Variants in EZH2 observed in about 807,000 individuals in gnomAD.
EZH2 encodes the protein enhancer of zeste 2 polycomb repressive complex 2 subunit.
In EZH2, 18 loss-of-function variants were observed where a neutral mutation model predicts 98.4. That is an observed-to-expected ratio of 0.18 (90% confidence interval 0.13 to 0.27). The LOEUF (loss-of-function observed/expected upper bound fraction) is 0.27. EZH2 is among the 10% of genes least tolerant of loss of function. The pLI, the probability that EZH2 is intolerant of heterozygous loss-of-function variation, is 1.00. For missense variants in EZH2, 470 were observed against 935.1 expected, an observed-to-expected ratio of 0.50 and a Z score of 6.49; for synonymous variants, 338 against 312.3, an observed-to-expected ratio of 1.08 and a Z score of -0.87.
chr7:148,822,160 C>T (rs1018017005), intron 8 of EZH2, among the ~76,000 whole-genome samples: 2 of 152,028 alleles, frequency 1.3e-5, no homozygotes, highest in African/African-American at 2.4e-5. Context: ...AAGTGAGAAA[C>T]GCTTTATAAT....
rs111384552 is a variant in EZH2 at position 148,828,500 on chromosome 7, G to A, written c.625+240C>T. 0.018 allele frequency among the ~76,000 whole-genome samples: 2,702 copies of A among 151,994 alleles called. 84 individuals are homozygous for A. Among genetic ancestry groups the A allele is most frequent in the African/African-American group, 0.062 (2,570 of 41,450 alleles). On this transcript the variant is annotated intron_variant, in intron 6 of 19. Coordinates refer to ENST00000320356, the MANE Select transcript of EZH2 (RefSeq NM_004456.5). ...AGATGGGGTCTCACTATGTTGCCCA[G>A]GTTGGTCTTGAACTCCTGGGCTCAA... is the stretch of plus-strand genomic sequence containing the variant.
intron 8 of EZH2, among the ~76,000 whole-genome samples, chr7:148,823,538 AT>A (rs1417765144): frequency 3.3e-5 from 5 of 152,136 alleles, no homozygotes; most frequent in Non-Finnish European, 7.4e-5. Flanking sequence ...TGTAAAAAAA[AT>A]ACGAGAACCA....
intron 1 of EZH2, among the ~76,000 whole-genome samples, chr7:148,853,263 T>A (rs1816180379): frequency 6.6e-6 from 1 of 152,026 alleles, no homozygotes; most frequent in South Asian, 2.1e-4. Flanking sequence ...AATACAAAAA[T>A]TAGCTGGGTG....
Position 148,836,785 on chromosome 7 carries a change from T to TA in EZH2, c.247-4036dup, listed in dbSNP as rs1239101301. 1.9e-5 allele frequency: 9 copies of TA among 481,814 alleles called. No individual in the cohort carries two copies. In the Admixed American group the frequency reaches 1.9e-4, roughly 10 times the overall value. The allele number at this position is 481,814 out of a possible 1,614,324, so 29.8% of individuals were successfully genotyped here. ...TTTTCAGAGAAACACAGCTTACTGG[T>TA]AAGTAACCAGGTTCCTCTGAGGATG... On this transcript the variant is annotated intron_variant, in intron 3 of 19. Coordinates refer to ENST00000320356, the MANE Select transcript of EZH2 (RefSeq NM_004456.5).
At chr7:148,847,088 C>A in intron 2 of EZH2, 94 bp downstream of exon 2, 1 of 1,430,426 alleles carries the variant, frequency 7.0e-7, no homozygotes, top group Non-Finnish European at 9.3e-7. Context: ...ACAAACTTGG[C>A]TAGAATTATT....
At chr7:148,865,113 C>T (rs548681481) in intron 1 of EZH2, among the ~76,000 whole-genome samples, 47 of 138,862 alleles carry the variant, frequency 3.4e-4, no homozygotes, top group African/African-American at 1.3e-3. Flanking sequence ...GGTGACAGAG[C>T]GAGACTTGTC....
chr7:148,854,847 T>C (rs1318944409), intron 1 of EZH2, among the ~76,000 whole-genome samples: 1 of 152,250 alleles, frequency 6.6e-6, no homozygotes, highest in Non-Finnish European at 1.5e-5. Context: ...CAATCCATTG[T>C]TTCAATATAC....
At chr7:148,828,920 A>G (rs2129476495) in intron 5 of EZH2, 40 bp from the exon 6 acceptor site, 1 of 1,560,622 alleles carries the variant, frequency 6.4e-7, no homozygotes, top group South Asian at 1.2e-5. Flanking sequence ...AGGAGAAGCA[A>G]TAATGTCAAA....
chr7:148,842,119 T>C (rs896399431), intron 3 of EZH2, among the ~76,000 whole-genome samples: 1 of 152,186 alleles, frequency 6.6e-6, no homozygotes, highest in Admixed American at 6.5e-5. Context: ...ACAAAACTCT[T>C]ACAAGAACAT....
At chr7:148,809,475 G>A in intron 17 of EZH2, 85 bp from the exon 18 acceptor site, 1 of 1,046,384 alleles carries the variant, frequency 9.6e-7, no homozygotes, top group East Asian at 2.4e-5. Flanking sequence ...AATGCAACTG[G>A]TTACAGTTCT....
In EZH2 at chr7:148,845,218, T is replaced by C. The variant is rs140480232; in HGVS notation, c.246+1252A>G. Among the ~76,000 whole-genome samples the C allele has an allele frequency of 2.2e-3, 330 of 152,312 alleles. 2 individuals are homozygous for C. Among genetic ancestry groups the C allele is most frequent in the African/African-American group, 7.6e-3 (314 of 41,558 alleles). On this transcript the variant is annotated intron_variant, in intron 3 of 19. Coordinates refer to ENST00000320356, the MANE Select transcript of EZH2 (RefSeq NM_004456.5). ...GGTTTTTCTTTCAATTCAACATTTCTAAAAGGTCACCAAATAAAAACTTTC... is the reference window on the plus strand; with the variant it reads ...GGTTTTTCTTTCAATTCAACATTTCCAAAAGGTCACCAAATAAAAACTTTC...
rs1805055363 is a variant in EZH2 at position 148,818,044 on chromosome 7, C to T, written c.1073G>A (p.Arg358His). The T allele has an allele frequency of 3.7e-6, 6 of 1,614,076 alleles. No homozygotes were observed. The highest frequency in any genetic ancestry group is 2.2e-5 in the East Asian group (1 of 44,888). The change falls in exon 10 of 20, where the codon CGC (arginine) becomes CAC (histidine). Residue 358 changes from arginine (R) to histidine (H), a missense_variant. Coordinates refer to ENST00000320356, the MANE Select transcript of EZH2 (RefSeq NM_004456.5). ...GTTATTGGGAAGCCGTCCTCTTCTG[C>T]GGCCTCCTGGACGTTTTGGTGGGGT... ...IKTPPKRPGG[R>H]RRGRLPNNSS...
chr7:148,837,333 T>C (rs1301587249), intron 3 of EZH2, among the ~76,000 whole-genome samples: 2 of 152,198 alleles, frequency 1.3e-5, no homozygotes, highest in Non-Finnish European at 2.9e-5. Context: ...CCTGTAGCCT[T>C]TCCATGTGAC....
intron 1 of EZH2, among the ~76,000 whole-genome samples, chr7:148,852,016 T>G (rs931693711): frequency 6.6e-6 from 1 of 152,222 alleles, no homozygotes; most frequent in Non-Finnish European, 1.5e-5. Context: ...ATAGGTGAAA[T>G]CCCACTAGTA....
chr7:148,843,548 T>G (rs1411791777), intron 3 of EZH2, among the ~76,000 whole-genome samples: 2 of 151,160 alleles, frequency 1.3e-5, no homozygotes, highest in African/African-American at 4.9e-5. Flanking sequence ...TCAAACTGAG[T>G]ATATCCACTT....
At chr7:148,810,896 CAAAAAAAAAAA>C (rs924758768) in intron 16 of EZH2, among the ~76,000 whole-genome samples, 6 of 43,676 alleles carry the variant, frequency 1.4e-4, no homozygotes, top group East Asian at 6.5e-4. Flanking sequence ...AACTCTGTCT[CAAAAAAAAAAA>C]AAAAAAAAAA....
chr7:148,854,796 C>T (rs1472506615), intron 1 of EZH2, among the ~76,000 whole-genome samples: 1 of 152,158 alleles, frequency 6.6e-6, no homozygotes, highest in Non-Finnish European at 1.5e-5. Flanking sequence ...TTGAAGGCAG[C>T]TGTTAGTATC....
At chr7:148,837,070 G>T in intron 3 of EZH2, 1 of 439,670 alleles carries the variant, frequency 2.3e-6, no homozygotes. Flanking sequence ...CTTTACCAAA[G>T]TTAGCTTCTT....
intron 3 of EZH2, among the ~76,000 whole-genome samples, chr7:148,843,156 C>T (rs1273012865): frequency 2.0e-5 from 3 of 147,950 alleles, no homozygotes; most frequent in East Asian, 2.0e-4. Flanking sequence ...TGCAGTGAGC[C>T]GAGACTGCAC....
Sources: allele counts gnomAD v4.1 joint callset (sites outside exome capture counted in the v4.1 genomes callset), GRCh38; gene constraint gnomAD v4.1.1; transcripts MANE v1.5; gene names NCBI Gene and HGNC (gene_info 2026-07-23, HGNC 2026-07-21).